MEI4: variants seen among roughly 807,000 people sequenced by gnomAD.
MEI4 encodes meiotic double-stranded break formation protein 4, also known as meiosis-specific protein MEI4.
MEI4 carries 27 observed loss-of-function variants against 31.4 expected under a neutral mutation model. The ratio of observed to expected loss-of-function variants is 0.86; its 90% confidence interval spans 0.63 to 1.19. The LOEUF is 1.19. MEI4 is among the 50% of genes most tolerant of loss of function. MEI4 has a pLI of 0.00. For synonymous variants in MEI4, 122 were observed against 145.4 expected (o/e 0.84, Z 1.16); for missense variants, 329 against 398.9 (o/e 0.82, Z 1.49).
Position 77,735,851 on chromosome 6 carries a change from C to G in MEI4, c.233-25279C>G, listed in dbSNP as rs533410683. Reference sequence around the variant, plus strand: ...TTCTGTTTATTAGTTTTCCTTCTAACAGACAGGACCCTCAGCTGCAGGTCT... The same window carrying G: ...TTCTGTTTATTAGTTTTCCTTCTAAGAGACAGGACCCTCAGCTGCAGGTCT... On this transcript the variant is annotated intron_variant, in intron 2 of 4. Coordinates refer to ENST00000684080, the MANE Select transcript of MEI4 (RefSeq NM_001322247.2). Among the ~76,000 whole-genome samples the G allele has an allele frequency of 8.7e-4, 133 of 152,156 alleles. 4 individuals are homozygous for G. Among genetic ancestry groups the G allele is most frequent in the African/African-American group, 3.0e-3 (126 of 41,442 alleles).
chr6:77,669,219 ATG>A (rs367921941), intron 1 of MEI4, among the ~76,000 whole-genome samples: 1,834 of 151,088 alleles, frequency 0.012, 35 homozygotes, highest in African/African-American at 0.041. Context: ...AAGAGGAAGC[ATG>A]TGTGTGTGTG....
intron 1 of MEI4, among the ~76,000 whole-genome samples, chr6:77,666,937 T>A (rs1768650294): frequency 6.6e-6 from 1 of 151,860 alleles, no homozygotes; most frequent in Non-Finnish European, 1.5e-5. Context: ...ATGGTGGTCA[T>A]CAGGGAAGAA....
intron 3 of MEI4, among the ~76,000 whole-genome samples, chr6:77,788,221 C>G (rs978507581): frequency 9.2e-5 from 14 of 152,298 alleles, no homozygotes; most frequent in South Asian, 6.2e-4. Context: ...GCTAAAAACT[C>G]TCAATAAATT....
intron 3 of MEI4, among the ~76,000 whole-genome samples, chr6:77,803,163 GTTCAT>G (rs1225608284): frequency 1.3e-5 from 2 of 152,136 alleles, no homozygotes; most frequent in Non-Finnish European, 2.9e-5. Context: ...TGGAGGCTTT[GTTCAT>G]TTCTTTTTAT....
chr6:77,810,195 T>A (rs1320359340), intron 3 of MEI4, among the ~76,000 whole-genome samples: 1 of 152,130 alleles, frequency 6.6e-6, no homozygotes. Context: ...GACAAGATAG[T>A]TTTAATGAGT....
chr6:77,750,295 T>A (rs1247880380), intron 2 of MEI4, among the ~76,000 whole-genome samples: 1 of 152,140 alleles, frequency 6.6e-6, no homozygotes, highest in Admixed American at 6.5e-5. Context: ...GTAAAAGGGC[T>A]AAATGCCCCA....
chr6:77,774,454 T>G (rs1177908979), intron 3 of MEI4, among the ~76,000 whole-genome samples: 1 of 152,132 alleles, frequency 6.6e-6, no homozygotes, highest in Non-Finnish European at 1.5e-5. Flanking sequence ...TTGTGGCATT[T>G]AAAAATTAAA....
chr6:77,845,345 T>A (rs757927453), intron 4 of MEI4, among the ~76,000 whole-genome samples: 4 of 152,144 alleles, frequency 2.6e-5, no homozygotes, highest in Admixed American at 6.6e-5. Context: ...TTTCAATAAT[T>A]TTATGTCTAT....
intron 2 of MEI4, among the ~76,000 whole-genome samples, chr6:77,756,637 CTCTT>C (rs1161168632): frequency 1.3e-5 from 2 of 150,952 alleles, no homozygotes; most frequent in Non-Finnish European, 1.5e-5. Flanking sequence ...CTCTCTCTCT[CTCTT>C]TCTCTCCCTC....
intron 3 of MEI4, among the ~76,000 whole-genome samples, chr6:77,768,464 C>G (rs1401831863): frequency 6.6e-6 from 1 of 152,096 alleles, no homozygotes; most frequent in Non-Finnish European, 1.5e-5. Context: ...CTTTGGGAGG[C>G]TGAGGTGGGT....
At chr6:77,656,019 A>T (rs1408114276) in intron 1 of MEI4, among the ~76,000 whole-genome samples, 2 of 152,174 alleles carry the variant, frequency 1.3e-5, no homozygotes, top group African/African-American at 4.8e-5. Flanking sequence ...CAGGCTTTCA[A>T]AATATCTGTC....
At chr6:77,783,880 T>C (rs145560253) in intron 3 of MEI4, among the ~76,000 whole-genome samples, 1 of 152,300 alleles carries the variant, frequency 6.6e-6, no homozygotes, top group Non-Finnish European at 1.5e-5. Context: ...TACTGTTGTT[T>C]AGTTTTTATA....
intron 3 of MEI4, among the ~76,000 whole-genome samples, chr6:77,792,227 T>G (rs1220550697): frequency 6.6e-6 from 1 of 152,156 alleles, no homozygotes; most frequent in East Asian, 1.9e-4. Flanking sequence ...GATTCCATCT[T>G]TTAATTATTG....
intron 3 of MEI4, among the ~76,000 whole-genome samples, chr6:77,802,275 A>G (rs1266706244): frequency 6.6e-6 from 1 of 152,140 alleles, no homozygotes; most frequent in African/African-American, 2.4e-5. Flanking sequence ...CTGTTTTATC[A>G]GAGACTAGGA....
intron 4 of MEI4, among the ~76,000 whole-genome samples, chr6:77,863,943 A>G (rs1770943974): frequency 6.6e-6 from 1 of 152,206 alleles, no homozygotes; most frequent in African/African-American, 2.4e-5. Flanking sequence ...CTTAAAGAAA[A>G]GAATTTTGAA....
At chr6:77,894,241 ATAT>A (rs1242231196) in intron 4 of MEI4, among the ~76,000 whole-genome samples, 1 of 147,346 alleles carries the variant, frequency 6.8e-6, no homozygotes, top group East Asian at 2.4e-4. Context: ...GAAATTTTTA[ATAT>A]TATGATATTT....
upstream of MEI4, among the ~76,000 whole-genome samples, chr6:77,651,404 T>A (rs1428134976): frequency 6.6e-6 from 1 of 152,212 alleles, no homozygotes; most frequent in East Asian, 1.9e-4. Flanking sequence ...TGGACTTGAA[T>A]TCCATCAGGA....
intron 4 of MEI4, among the ~76,000 whole-genome samples, chr6:77,860,947 C>T (rs1405299027): frequency 6.6e-6 from 1 of 152,202 alleles, no homozygotes. Flanking sequence ...TGAAATGCAG[C>T]TTTCTCATAC....
intron 3 of MEI4, among the ~76,000 whole-genome samples, chr6:77,814,256 T>A (rs996714762): frequency 1.3e-5 from 2 of 152,130 alleles, no homozygotes; most frequent in Non-Finnish European, 2.9e-5. Flanking sequence ...TAGATTTGGT[T>A]ACTGTTACAA....
Sources: gnomAD v4.1 joint callset for allele counts (sites outside exome capture counted in the v4.1 genomes callset) on GRCh38, gnomAD v4.1.1 for gene constraint, MANE v1.5 for transcripts, NCBI Gene and HGNC (gene_info 2026-07-23, HGNC 2026-07-21) for gene names.